Variants in RALY observed in about 807,000 individuals in gnomAD.
The protein encoded by RALY is RALY heterogeneous nuclear ribonucleoprotein, also known as RNA-binding protein Raly.
In RALY, 15 loss-of-function variants were observed where a neutral mutation model predicts 30.7. The observed-to-expected ratio is 0.49, with a 90% CI of 0.33 to 0.75. The LOEUF (loss-of-function observed/expected upper bound fraction) is 0.75, where lower values mean the gene tolerates loss of function less well. Among genes scored for constraint, RALY ranks in the 30% least tolerant of loss-of-function variants. The pLI is 0.02. For missense variants in RALY, 339 were observed against 414.3 expected, an observed-to-expected ratio of 0.82 and a Z score of 1.58; for synonymous variants, 177 against 170.8, an observed-to-expected ratio of 1.04 and a Z score of -0.28.
At chr20:34,067,234 G>A (rs1032132297) in intron 2 of RALY, among the ~76,000 whole-genome samples, 3 of 152,186 alleles carry the variant, frequency 2.0e-5, no homozygotes, top group Admixed American at 1.3e-4. Context: ...TCGCTCTGTC[G>A]CCTAGGCTGG....
intron 9 of RALY, 99 bp downstream of exon 9, chr20:34,078,652 C>T: frequency 8.4e-7 from 1 of 1,187,338 alleles, no homozygotes; most frequent in Admixed American, 2.9e-5. Context: ...CGAAGCATAC[C>T]TGGCCAAGTA....
At chr20:34,073,488 G>C (rs758917762) in intron 3 of RALY, 75 bp from the exon 4 acceptor site, 20 of 1,343,996 alleles carry the variant, frequency 1.5e-5, no homozygotes, top group Non-Finnish European at 2.1e-5. Flanking sequence ...GAATTGCTGT[G>C]CGTGTGCATG....
intron 2 of RALY, among the ~76,000 whole-genome samples, chr20:34,049,998 G>A (rs962246675): frequency 6.6e-6 from 1 of 152,120 alleles, no homozygotes; most frequent in African/African-American, 2.4e-5. Context: ...CTTATTTCAG[G>A]TCTTCTTCAG....
chr20:34,011,455 A>G (rs890908658), intron 1 of RALY, among the ~76,000 whole-genome samples: 1 of 152,352 alleles, frequency 6.6e-6, no homozygotes, highest in Middle Eastern at 3.4e-3. Context: ...GGGCCTAAAC[A>G]TCTGCTTGTG....
In RALY at chr20:34,009,233, T is replaced by C. The variant is rs373983103; in HGVS notation, c.-93+15102T>C. 4.0e-5 allele frequency among the ~76,000 whole-genome samples: 6 copies of C among 149,116 alleles called. No homozygotes were observed. In the East Asian group the frequency reaches 1.2e-3, roughly 29 times the overall value. Reference sequence around the variant, plus strand: ...TTGTTTTGTTTTGGTGTGTGTGTGGTTTTTTTTTGTTTTGTTTTGTTTTTG... The same window carrying C: ...TTGTTTTGTTTTGGTGTGTGTGTGGCTTTTTTTTGTTTTGTTTTGTTTTTG... On this transcript the variant is annotated intron_variant, in intron 1 of 9. Transcript: ENST00000246194.
chr20:34,007,127 C>T (rs2031194344), intron 1 of RALY, among the ~76,000 whole-genome samples: 2 of 152,118 alleles, frequency 1.3e-5, no homozygotes, highest in East Asian at 1.9e-4. Flanking sequence ...TGAGAGAGGT[C>T]GGGTGGCTTG....
chr20:34,035,659 A>T (rs1320826470), intron 2 of RALY, among the ~76,000 whole-genome samples: 1 of 152,210 alleles, frequency 6.6e-6, no homozygotes, highest in Admixed American at 6.5e-5. Context: ...TTAAAGATAC[A>T]CATTTATTCA....
chr20:33,995,840 A>G (rs1290375952), intron 1 of RALY, among the ~76,000 whole-genome samples: 6 of 152,108 alleles, frequency 3.9e-5, no homozygotes. Context: ...TCTTCCTCCT[A>G]ATCCAGTAAT....
At chr20:34,075,301 C>T (rs577895269) in intron 5 of RALY, among the ~76,000 whole-genome samples, 3 of 152,076 alleles carry the variant, frequency 2.0e-5, no homozygotes, top group East Asian at 3.9e-4. Context: ...GTCTCAGTAC[C>T]CTGACCTTTC....
intron 1 of RALY, among the ~76,000 whole-genome samples, chr20:34,030,634 C>G (rs1480746934): frequency 6.6e-6 from 1 of 152,186 alleles, no homozygotes; most frequent in Non-Finnish European, 1.5e-5. Context: ...GTTTGACTCC[C>G]AGTTTTACCA....
rs368507981 is a variant in RALY at position 34,078,497 on chromosome 20, C to T, written c.877-8C>T. On this transcript the variant is annotated splice_polypyrimidine_tract_variant and splice_region_variant and intron_variant, in intron 8 of 9. Transcript: ENST00000246194. ...GATGTGTGGTCTCTCTTACCTCCTC[C>T]CTATCAGGAACACAGCCAGGACACA... 3 of 1,580,858 alleles carry T rather than the reference C, an allele frequency of 1.9e-6. No individual in the cohort carries two copies. Among genetic ancestry groups the T allele is most frequent in the South Asian group, 1.2e-5 (1 of 85,842 alleles).
At chr20:34,065,221 T>C (rs2033535889) in intron 2 of RALY, 1 of 152,246 alleles carries the variant, frequency 6.6e-6, no homozygotes, top group South Asian at 2.1e-4. Flanking sequence ...TATTCTTTGA[T>C]AGTACATTAC....
intron 1 of RALY, among the ~76,000 whole-genome samples, chr20:34,019,965 G>A (rs1402104996): frequency 2.0e-5 from 3 of 152,072 alleles, no homozygotes; most frequent in South Asian, 2.1e-4. Context: ...GGAGGCTGAG[G>A]CAGGAGAATG....
intron 1 of RALY, among the ~76,000 whole-genome samples, chr20:34,021,048 G>A (rs993489635): frequency 1.3e-5 from 2 of 151,896 alleles, no homozygotes; most frequent in East Asian, 3.9e-4. Flanking sequence ...TGCAACCTCC[G>A]CCTCCGGGGT....
chr20:34,007,821 A>AAC (rs538836060), intron 1 of RALY, among the ~76,000 whole-genome samples: 1 of 13,014 alleles, frequency 7.7e-5, no homozygotes. Flanking sequence ...ACTCCGTCTC[A>AAC]AAAAAAAAAA....
At chr20:34,042,706 T>A (rs1372717455) in intron 2 of RALY, among the ~76,000 whole-genome samples, 1 of 152,242 alleles carries the variant, frequency 6.6e-6, no homozygotes, top group South Asian at 2.1e-4. Flanking sequence ...GAAATAAAAT[T>A]GTTTTGGTTA....
intron 2 of RALY, among the ~76,000 whole-genome samples, chr20:34,047,853 A>G (rs1382012775): frequency 6.6e-6 from 1 of 152,150 alleles, no homozygotes; most frequent in African/African-American, 2.4e-5. Context: ...TATCCCTAGG[A>G]GATAGCAGCA....
chr20:34,054,500 A>G (rs2033178985), intron 2 of RALY, among the ~76,000 whole-genome samples: 2 of 151,484 alleles, frequency 1.3e-5, no homozygotes, highest in Non-Finnish European at 2.9e-5. Flanking sequence ...TACTCAGAAA[A>G]CTCCTGGCCC....
At chr20:34,071,220 A>G (rs925796066) in intron 2 of RALY, among the ~76,000 whole-genome samples, 2 of 151,990 alleles carry the variant, frequency 1.3e-5, no homozygotes, top group Admixed American at 6.5e-5. Context: ...TAGCTAGCAT[A>G]CCCTTTTCAA....
Sources: allele counts gnomAD v4.1 joint callset (sites outside exome capture counted in the v4.1 genomes callset), GRCh38; gene constraint gnomAD v4.1.1; transcripts MANE v1.5; gene names NCBI Gene and HGNC (gene_info 2026-07-23, HGNC 2026-07-21).